The following RIOK3 variants were observed in gnomAD, a reference collection of about 807,000 sequenced individuals.
RIOK3 encodes the protein serine/threonine-protein kinase RIO3.
Under a neutral mutation model 63.5 loss-of-function variants are expected in RIOK3, and 40 were observed. The observed-to-expected ratio is 0.63, with a 90% confidence interval of 0.49 to 0.82. RIOK3 has a LOEUF of 0.82. Among genes scored for constraint, RIOK3 ranks in the 40% least tolerant of loss-of-function variants. The probability of loss-of-function intolerance (pLI) is 0.00; values close to 1 mark genes in which losing one functional copy is unlikely to be tolerated. For synonymous variants in RIOK3, 193 were observed against 205.0 expected, an observed-to-expected ratio of 0.94 and a Z score of 0.50; for missense variants, 557 against 637.0, an observed-to-expected ratio of 0.87 and a Z score of 1.35.
Position 23,463,970 on chromosome 18 carries a change from T to C in RIOK3, c.183T>C (p.Val61=), listed in dbSNP as rs759703984. 95 of 1,602,182 alleles carry C rather than the reference T, an allele frequency of 5.9e-5. No homozygotes were observed. Among genetic ancestry groups the C allele is most frequent in the Non-Finnish European group, 7.4e-5 (87 of 1,176,520 alleles). Residue 61 remains valine (V), a synonymous_variant, in exon 3 of 13, where the codon GTT becomes GTC. Transcript: ENST00000339486. ...EEAAVFPEVA[V]AEGPFITGEN... ...TATATTGCCTTATTTTGAATAGTGT[T>C]GCTGAAGGACCATTTATTACTGGAG...
At chr18:23,456,122 G>A (rs2145666219) in intron 1 of RIOK3, among the ~76,000 whole-genome samples, 1 of 151,948 alleles carries the variant, frequency 6.6e-6, no homozygotes, top group South Asian at 2.1e-4. Context: ...TGTAGAGATC[G>A]GATTTCACCA....
chr18:23,463,488 C>G (rs1204133842), intron 2 of RIOK3, among the ~76,000 whole-genome samples: 2 of 150,480 alleles, frequency 1.3e-5, no homozygotes, highest in Admixed American at 1.3e-4. Context: ...CGGCTCGGCA[C>G]AACCTCCGTC....
intron 11 of RIOK3, among the ~76,000 whole-genome samples, chr18:23,478,090 T>C (rs1306752480): frequency 6.9e-6 from 1 of 145,356 alleles, no homozygotes; most frequent in South Asian, 2.2e-4. Context: ...AAAAAAAAAA[T>C]GTTAAAGGGA....
rs764678694 is a variant in RIOK3, at chr18:23,467,463, A to G, written c.752A>G (p.Glu251Gly). ...AAAATGGTCAACTCTGGAATGTTGG[A>G]GACAATCACTGGCTGTATTAGTACA... ...MYKMVNSGML[E>G]TITGCISTGK... Residue 251 changes from glutamate (E) to glycine (G), a missense_variant, in exon 7 of 13, where the codon GAG becomes GGG. Physicochemically the swap from Glu to Gly is moderately conservative, Grantham distance 98. This residue lies in a region of RIOK3 where 309 missense variants were observed against 338.7 expected (regional missense o/e 0.91). Coordinates refer to ENST00000339486, the MANE Select transcript of RIOK3 (RefSeq NM_003831.5). 6.2e-7 allele frequency: 1 copy of G among 1,613,588 alleles called. No homozygotes were observed. Among genetic ancestry groups the G allele is most frequent in the Non-Finnish European group, 8.5e-7 (1 of 1,179,556 alleles).
intron 7 of RIOK3, among the ~76,000 whole-genome samples, chr18:23,472,267 G>T (rs2145694029): frequency 1.3e-5 from 2 of 151,992 alleles, no homozygotes; most frequent in East Asian, 3.9e-4. Context: ...TGTCTATATA[G>T]AGATGATATT....
intron 1 of RIOK3, among the ~76,000 whole-genome samples, chr18:23,455,808 G>T (rs34803643): frequency 2.7e-5 from 4 of 148,738 alleles, no homozygotes; most frequent in Admixed American, 6.7e-5. Flanking sequence ...TAATTTTTGG[G>T]TTTTTTTTGA....
chr18:23,472,704 C>T (rs932673846), intron 7 of RIOK3, among the ~76,000 whole-genome samples: 2 of 152,194 alleles, frequency 1.3e-5, no homozygotes, highest in Non-Finnish European at 1.5e-5. Context: ...TTCCCCACCA[C>T]CTCTAGGAAT....
chr18:23,475,941 CT>C (rs374984418), intron 9 of RIOK3, among the ~76,000 whole-genome samples: 22,419 of 80,002 alleles, frequency 0.28, 1,049 homozygotes, highest in Non-Finnish European at 0.38. Flanking sequence ...TTTTTTGGGG[CT>C]TTTTTTTTTT....
chr18:23,469,469 T>TTTCTTTCTTTTTCTTTCC (rs1598811009), intron 7 of RIOK3, among the ~76,000 whole-genome samples: 1 of 147,014 alleles, frequency 6.8e-6, no homozygotes, highest in African/African-American at 2.6e-5. Flanking sequence ...TTTTTCTTTC[T>TTTCTTTCTTTTTCTTTCC]TTCTTTCTTT....
intron 1 of RIOK3, among the ~76,000 whole-genome samples, chr18:23,455,126 C>T (rs1436752601): frequency 1.3e-5 from 2 of 151,926 alleles, no homozygotes; most frequent in Non-Finnish European, 2.9e-5. Flanking sequence ...GGCTGGAGTA[C>T]AGTGGTTTGC....
intron 1 of RIOK3, among the ~76,000 whole-genome samples, chr18:23,456,049 G>T (rs563909064): frequency 6.6e-6 from 1 of 152,138 alleles, no homozygotes; most frequent in Non-Finnish European, 1.5e-5. Flanking sequence ...TCCCACCTTG[G>T]CCTCCCAAAG....
intron 7 of RIOK3, among the ~76,000 whole-genome samples, chr18:23,469,539 G>A (rs936613858): frequency 2.7e-5 from 4 of 147,552 alleles, no homozygotes; most frequent in African/African-American, 1.0e-4. Flanking sequence ...CCAGGCTGGA[G>A]TGCAATGGCG....
At chr18:23,454,125 G>A (rs1461725678) in intron 1 of RIOK3, among the ~76,000 whole-genome samples, 1 of 152,170 alleles carries the variant, frequency 6.6e-6, no homozygotes, top group Non-Finnish European at 1.5e-5. Context: ...TTGCTTTCTG[G>A]TTTCCAGGCA....
intron 9 of RIOK3, among the ~76,000 whole-genome samples, chr18:23,475,941 C>CT (rs374984418): frequency 0.069 from 5,539 of 80,050 alleles, 443 homozygotes; most frequent in African/African-American, 0.16. Context: ...TTTTTTGGGG[C>CT]TTTTTTTTTT....
chr18:23,466,176 T>C lies in RIOK3; in HGVS notation c.587T>C (p.Leu196Ser). ...FQVGDGIGMD[L>S]KLSNHVFNAL... is the part of the protein sequence containing the mutation. ...GTAGGAGATGGAATTGGAATGGATT[T>C]AAAACTATCAAACCATGTTTTCAAT... Residue 196 changes from leucine (L) to serine (S), a missense_variant, in exon 6 of 13, where the codon TTA becomes TCA. Transcript: ENST00000339486. 1 of 1,609,864 alleles carries C rather than the reference T, an allele frequency of 6.2e-7. No homozygotes were observed. The highest frequency in any genetic ancestry group is 1.3e-5 in the African/African-American group (1 of 74,906).
At chr18:23,455,728 C>T (rs1456558423) in intron 1 of RIOK3, among the ~76,000 whole-genome samples, 1 of 151,820 alleles carries the variant, frequency 6.6e-6, no homozygotes, top group Non-Finnish European at 1.5e-5. Flanking sequence ...CACACTGTGC[C>T]TTGACCTTGC....
chr18:23,467,246 G>A (rs2057415435), intron 6 of RIOK3, among the ~76,000 whole-genome samples, 153 bp from the exon 7 acceptor site: 1 of 152,074 alleles, frequency 6.6e-6, no homozygotes, highest in Admixed American at 6.6e-5. Context: ...CCTGGGAGGT[G>A]GAGGTTGCAG....
At chr18:23,456,188 G>T (rs1054298193) in intron 1 of RIOK3, among the ~76,000 whole-genome samples, 3 of 151,410 alleles carry the variant, frequency 2.0e-5, no homozygotes, top group Non-Finnish European at 4.4e-5. Flanking sequence ...ACCCCCTTCC[G>T]CCCTGGCCTC....
chr18:23,463,865 T>G, intron 2 of RIOK3, 102 bp from the exon 3 acceptor site: 1 of 959,572 alleles, frequency 1.0e-6, no homozygotes, highest in South Asian at 1.6e-5. Flanking sequence ...TCTTTCCCAT[T>G]GTTCAATTTT....
Sources: allele counts gnomAD v4.1 joint callset (sites outside exome capture counted in the v4.1 genomes callset), GRCh38; gene constraint gnomAD v4.1.1; regional missense constraint gnomAD v4.1.1; transcripts MANE v1.5; gene names NCBI Gene and HGNC (gene_info 2026-07-23, HGNC 2026-07-21).